The following DNAH10 variants were observed in gnomAD, a reference collection of about 807,000 sequenced individuals.
DNAH10 encodes the protein dynein axonemal heavy chain 10.
Under a neutral mutation model 506.6 loss-of-function variants are expected in DNAH10, and 348 were observed. That is an observed-to-expected ratio of 0.69 (90% CI 0.63 to 0.75). The LOEUF is 0.75. Among genes scored for constraint, DNAH10 ranks in the 30% least tolerant of loss-of-function variants. The pLI is 0.00. For synonymous variants in DNAH10, 2,059 were observed against 2,198.6 expected, an observed-to-expected ratio of 0.94 and a Z score of 1.78; for missense variants, 5,179 against 5,787.1, an observed-to-expected ratio of 0.89 and a Z score of 3.41.
At chr12:123,832,038 G>A (rs1960608959) in intron 26 of DNAH10, among the ~76,000 whole-genome samples, 1 of 152,074 alleles carries the variant, frequency 6.6e-6, no homozygotes, top group African/African-American at 2.4e-5. Context: ...CACCACACAT[G>A]TATACACACG....
chr12:123,887,979 T>C (rs1952814223), intron 52 of DNAH10, among the ~76,000 whole-genome samples: 1 of 152,070 alleles, frequency 6.6e-6, no homozygotes, highest in African/African-American at 2.4e-5. Flanking sequence ...CTCCTGACCT[T>C]GTGATCCACC....
chr12:123,800,560 C>T (rs1195547719), intron 15 of DNAH10, among the ~76,000 whole-genome samples, 172 bp downstream of exon 15: 1 of 152,024 alleles, frequency 6.6e-6, no homozygotes, highest in Non-Finnish European at 1.5e-5. Context: ...TGTGGTGCTA[C>T]CTGTAGTCTC....
At chr12:123,833,616 C>G (rs1314863229) in intron 27 of DNAH10, among the ~76,000 whole-genome samples, 1 of 152,140 alleles carries the variant, frequency 6.6e-6, no homozygotes, top group Admixed American at 6.5e-5. Context: ...TTCTTTGATA[C>G]TGTCCTGTTC....
intron 51 of DNAH10, among the ~76,000 whole-genome samples, chr12:123,882,541 C>A (rs899851884): frequency 1.3e-5 from 2 of 152,058 alleles, no homozygotes; most frequent in Admixed American, 1.3e-4. Context: ...ACCAGTAATC[C>A]CAGCACTTTG....
chr12:123,880,806 C>G (rs936023935), intron 50 of DNAH10, among the ~76,000 whole-genome samples: 3 of 109,140 alleles, frequency 2.7e-5, no homozygotes, highest in Admixed American at 1.1e-4. Context: ...CCCCCTCCCC[C>G]CACCCCACAA....
At chr12:123,835,007 C>T (rs141088681) in intron 27 of DNAH10, among the ~76,000 whole-genome samples, 1 of 152,126 alleles carries the variant, frequency 6.6e-6, no homozygotes, top group South Asian at 2.1e-4. Flanking sequence ...TACTTGAGTC[C>T]CTGTTTTCAA....
rs748139804 is a variant in DNAH10, at chr12:123,868,143, T to C, written c.7519+24T>C. ...AGGTGGGAACCGAGTGTCGCCTGTTTCCCTGCTCTGAGTGCCTTTGGTTAA... is the reference window on the plus strand; with the variant it reads ...AGGTGGGAACCGAGTGTCGCCTGTTCCCCTGCTCTGAGTGCCTTTGGTTAA... On this transcript the variant is annotated intron_variant, in intron 43 of 78. Coordinates refer to ENST00000673944, the MANE Select transcript of DNAH10 (RefSeq NM_001372106.1). The C allele has an allele frequency of 1.8e-5, 28 of 1,598,344 alleles. No individual in the cohort carries two copies. In the African/African-American group the frequency reaches 3.6e-4, roughly 21 times the overall value.
Position 123,921,277 on chromosome 12 carries a change from C to G in DNAH10, c.11506+2328C>G, listed in dbSNP as rs1566106753. On this transcript the variant is annotated intron_variant, in intron 65 of 78. Transcript: ENST00000673944. Reference sequence around the variant, plus strand: ...TAGAGTATGTAATCCTGGCTGCCAGCCTTCGTGGAACCAAGTGAGAAAAGA... The same window carrying G: ...TAGAGTATGTAATCCTGGCTGCCAGGCTTCGTGGAACCAAGTGAGAAAAGA... Among the ~76,000 whole-genome samples, 3 of 152,310 alleles carry G rather than the reference C, an allele frequency of 2.0e-5. No individual in the cohort carries two copies. The South Asian group carries it at 6.2e-4, about 32-fold the overall frequency.
Position 123,897,861 on chromosome 12 carries a change from G to GT in DNAH10, c.9375dup (p.Leu3126SerfsTer17). 1 of 1,611,344 alleles carries GT rather than the reference G, an allele frequency of 6.2e-7. No homozygotes were observed. The highest frequency in any genetic ancestry group is 8.5e-7 in the Non-Finnish European group (1 of 1,179,200). On this transcript the variant is annotated frameshift_variant, in exon 55 of 79. Coordinates refer to ENST00000673944, the MANE Select transcript of DNAH10 (RefSeq NM_001372106.1). LOFTEE classifies it high-confidence loss of function. The stretch of plus-strand genomic sequence containing the variant: ...AATCCGTGGACCACTACAGCCAACA[G>GT]TTTCTACAGAAATTGAGGCGCAGCA...
chr12:123,769,069 C>G (rs572145514), intron 2 of DNAH10, among the ~76,000 whole-genome samples: 3 of 152,196 alleles, frequency 2.0e-5, no homozygotes, highest in South Asian at 2.1e-4. Flanking sequence ...ATTGTAATCC[C>G]CTCAAGTAGC....
chr12:123,927,005 T>A (rs983055258), intron 69 of DNAH10, 185 bp downstream of exon 69: 4 of 667,158 alleles, frequency 6.0e-6, no homozygotes, highest in Non-Finnish European at 1.0e-5. Context: ...CACAACCTCA[T>A]GTTGTGATCA....
At chr12:123,922,212 A>G (rs1426315355) in intron 65 of DNAH10, among the ~76,000 whole-genome samples, 1 of 151,994 alleles carries the variant, frequency 6.6e-6, no homozygotes, top group Non-Finnish European at 1.5e-5. Flanking sequence ...GTCTCTACTA[A>G]AAATACAAAA....
Position 123,772,820 on chromosome 12 carries a change from TCCCCA to T in DNAH10, c.397-13_397-9del, listed in dbSNP as rs1191730120. 6.3e-7 allele frequency: 1 copy of T among 1,580,690 alleles called. No homozygotes were observed. Among genetic ancestry groups the T allele is most frequent in the South Asian group, 1.2e-5 (1 of 86,742 alleles). On this transcript the variant is annotated splice_polypyrimidine_tract_variant and intron_variant, in intron 3 of 78. Transcript: ENST00000673944. ...TATCACAAGAATGAATGGTTTTTGT[TCCCCA>T]TGTTTCAGAGAACTGCGAAGCACAT...
chr12:123,851,505 G>A lies in DNAH10; in HGVS notation c.6291+429G>A, dbSNP rs553137332. Among the ~76,000 whole-genome samples, 266 of 151,958 alleles carry A rather than the reference G, an allele frequency of 1.8e-3. 1 individual carries two copies. Among genetic ancestry groups the A allele is most frequent in the African/African-American group, 5.9e-3 (245 of 41,430 alleles). ...TTATAACTTTTAATTTTGGAATAAT[G>A]TAAGATGCACAAGAGGTTGCAACAA... On this transcript the variant is annotated intron_variant, in intron 35 of 78. Transcript: ENST00000673944.
chr12:123,841,347 G>C lies in DNAH10; in HGVS notation c.5162G>C (p.Arg1721Thr). The change falls in exon 30 of 79, where the codon AGG becomes ACG. Residue 1721 changes from arginine (R) to threonine (T), a missense_variant. By Grantham distance (71) the Arg-to-Thr change is moderately conservative. Transcript: ENST00000673944. ...ATGTACGACAACATAGCATCACTGA[G>C]GTTTAATGACGGCGATAGTGGAGAA... ...IKMYDNIASL[R>T]FNDGDSGEKL... 3.1e-6 allele frequency: 5 copies of C among 1,613,998 alleles called. No individual in the cohort carries two copies. The highest frequency in any genetic ancestry group is 4.2e-6 in the Non-Finnish European group (5 of 1,179,896).
rs1282427153 is a variant in DNAH10 at position 123,918,731 on chromosome 12, G to A, written c.11288G>A (p.Arg3763Gln). 1.6e-5 allele frequency: 26 copies of A among 1,598,952 alleles called. No homozygotes were observed. Among genetic ancestry groups the A allele is most frequent in the Middle Eastern group, 1.7e-4 (1 of 6,004 alleles). ...EKTALDIDRL[R>Q]DGYRPAARRG... Reference sequence around the variant, plus strand: ...ACAGCCTTGGACATCGACAGGCTGCGGGATGGCTACCGGCCAGCAGCCAGG... The same window carrying A: ...ACAGCCTTGGACATCGACAGGCTGCAGGATGGCTACCGGCCAGCAGCCAGG... The change falls in exon 65 of 79, where the codon CGG becomes CAG. Residue 3763 changes from arginine (R) to glutamine (Q), a missense_variant. Transcript: ENST00000673944.
At chr12:123,803,991 C>T (rs1324416117) in intron 17 of DNAH10, among the ~76,000 whole-genome samples, 166 bp downstream of exon 17, 1 of 152,146 alleles carries the variant, frequency 6.6e-6, no homozygotes, top group Non-Finnish European at 1.5e-5. Context: ...GAAAGAATCA[C>T]GGGTAGCTAT....
Position 123,918,848 on chromosome 12 carries a change from G to T in DNAH10, c.11405G>T (p.Arg3802Met), listed in dbSNP as rs1954604177. 1 of 1,613,800 alleles carries T rather than the reference G, an allele frequency of 6.2e-7. No individual in the cohort carries two copies. Among genetic ancestry groups the T allele is most frequent in the Admixed American group, 1.7e-5 (1 of 59,990 alleles). The change falls in exon 65 of 79, where the codon AGG becomes ATG. Residue 3802 changes from arginine to methionine, a missense_variant. This residue lies in a region of DNAH10 where 4,844 missense variants were observed against 5,430.5 expected (regional missense o/e 0.89). Coordinates refer to ENST00000673944, the MANE Select transcript of DNAH10 (RefSeq NM_001372106.1). Reference protein sequence around the residue: ...YSLIAFLEVFRLSLKKSLPDS... With the variant: ...YSLIAFLEVFMLSLKKSLPDS... ...CTGATTGCCTTCTTAGAGGTCTTCAGGCTGTCACTGAAGAAGTCGCTGCCT... is the reference window on the plus strand; with the variant it reads ...CTGATTGCCTTCTTAGAGGTCTTCATGCTGTCACTGAAGAAGTCGCTGCCT...
At chr12:123,826,571 G>A (rs1402145849) in intron 24 of DNAH10, 116 bp from the exon 25 acceptor site, 1 of 834,046 alleles carries the variant, frequency 1.2e-6, no homozygotes, top group East Asian at 2.6e-5. Context: ...GGTAGTTGTA[G>A]ATAGATGGGT....
Sources: allele counts gnomAD v4.1 joint callset (sites outside exome capture counted in the v4.1 genomes callset), GRCh38; gene constraint gnomAD v4.1.1; regional missense constraint gnomAD v4.1.1; transcripts MANE v1.5; gene names NCBI Gene and HGNC (gene_info 2026-07-23, HGNC 2026-07-21).